Variants in ZNF124 observed in about 807,000 individuals in gnomAD.
ZNF124 encodes the protein zinc finger protein 124.
In ZNF124, 25 loss-of-function variants were observed where a neutral mutation model predicts 26.6. That is an observed-to-expected ratio of 0.94 (90% CI 0.68 to 1.31). ZNF124 has a LOEUF of 1.31. ZNF124 is among the 40% of genes most tolerant of loss of function. The pLI is 0.00. For synonymous variants in ZNF124, 129 were observed against 133.3 expected (o/e 0.97, Z 0.22); for missense variants, 444 against 422.2 (o/e 1.05, Z -0.45).
At chr1:247,144,490 G>GA (rs1186750451) in intron 3 of ZNF124, among the ~76,000 whole-genome samples, 1 of 151,668 alleles carries the variant, frequency 6.6e-6, no homozygotes, top group African/African-American at 2.4e-5. Context: ...CTAAAAGCTT[G>GA]CTACCGAGCC....
At chr1:247,172,358 C>T (rs930832135), upstream of ZNF124, among the ~76,000 whole-genome samples, 1 of 151,882 alleles carries the variant, frequency 6.6e-6, no homozygotes, top group Admixed American at 6.6e-5. Context: ...ACTTATTAAC[C>T]TTCATGGCCT....
rs138304746 is a variant in ZNF124, at chr1:247,129,996, C to T, written c.219-6125G>A. ...GGTGGACATTGAGTACTTCCCCGAG[C>T]AGGATGGGGTGGGAGGATTCAGGAG... On this transcript the variant is annotated intron_variant, in intron 3 of 3. Coordinates refer to the ZNF124 transcript ENST00000472531. Among the ~76,000 whole-genome samples the T allele has an allele frequency of 5.9e-3, 863 of 145,248 alleles. 16 individuals are homozygous for T. Among genetic ancestry groups the T allele is most frequent in the African/African-American group, 0.023 (810 of 35,278 alleles).
chr1:247,133,730 T>C (rs1672421654), intron 3 of ZNF124, among the ~76,000 whole-genome samples: 1 of 149,054 alleles, frequency 6.7e-6, no homozygotes, highest in African/African-American at 2.5e-5. Flanking sequence ...CTCAGCTCAC[T>C]GCAACCTCCA....
intron 1 of ZNF124, 166 bp from the exon 2 acceptor site, chr1:247,159,979 CTTTTTTTT>C (rs1212199135): frequency 1.2e-3 from 184 of 147,680 alleles, no homozygotes; most frequent in South Asian, 2.4e-3. Flanking sequence ...CATAGCAGTT[CTTTTTTTT>C]TTTTTTTTTT....
intron 3 of ZNF124, 81 bp downstream of exon 3, chr1:247,158,925 G>C: frequency 7.6e-7 from 1 of 1,320,460 alleles, no homozygotes; most frequent in South Asian, 1.3e-5. Context: ...CACCATGCCT[G>C]GCCTTGTTTG....
chr1:247,162,615 T>C (rs1673543713), intron 1 of ZNF124, among the ~76,000 whole-genome samples: 1 of 107,932 alleles, frequency 9.3e-6, no homozygotes, highest in Non-Finnish European at 1.8e-5. Context: ...TATTAACCCT[T>C]GGCAAAAAAA....
chr1:247,154,040 A>G (rs780661197), downstream of ZNF124, among the ~76,000 whole-genome samples: 17 of 152,190 alleles, frequency 1.1e-4, no homozygotes, highest in Admixed American at 6.5e-4. Context: ...TTCCTACACA[A>G]CAATCACTTG....
chr1:247,164,316 A>G (rs139579725), intron 1 of ZNF124, among the ~76,000 whole-genome samples: 300 of 152,262 alleles, frequency 2.0e-3, no homozygotes, highest in African/African-American at 6.9e-3. Flanking sequence ...CAGGAAATCA[A>G]ACTTCTCTGT....
upstream of ZNF124, among the ~76,000 whole-genome samples, chr1:247,172,367 C>T (rs908140848): frequency 6.6e-6 from 1 of 151,942 alleles, no homozygotes; most frequent in African/African-American, 2.4e-5. Flanking sequence ...CCTTCATGGC[C>T]TCTGGTCTTC....
intron 3 of ZNF124, among the ~76,000 whole-genome samples, chr1:247,124,051 A>C (rs1040565655): frequency 1.3e-5 from 2 of 151,122 alleles, no homozygotes; most frequent in Non-Finnish European, 2.9e-5. Context: ...GATGGTCTTG[A>C]TCTCCTGACC....
At chr1:247,146,640 A>G (rs1248481365) in intron 3 of ZNF124, among the ~76,000 whole-genome samples, 1 of 152,194 alleles carries the variant, frequency 6.6e-6, no homozygotes, top group African/African-American at 2.4e-5. Context: ...GAATTAAGCA[A>G]TGAAAATATG....
downstream of ZNF124, among the ~76,000 whole-genome samples, chr1:247,153,140 A>G (rs1033624435): frequency 3.3e-5 from 5 of 152,138 alleles, no homozygotes; most frequent in Non-Finnish European, 7.4e-5. Flanking sequence ...CTCAAAAAAA[A>G]AAAAAAGGTC....
intron 3 of ZNF124, among the ~76,000 whole-genome samples, chr1:247,145,127 G>C (rs1218160109): frequency 2.0e-5 from 3 of 152,146 alleles, no homozygotes; most frequent in Non-Finnish European, 4.4e-5. Context: ...TTGGGAAACA[G>C]ATCTCTACAG....
downstream of ZNF124, among the ~76,000 whole-genome samples, chr1:247,153,205 T>C (rs1170994338): frequency 1.3e-5 from 2 of 152,130 alleles, no homozygotes; most frequent in Non-Finnish European, 2.9e-5. Flanking sequence ...GAAATGTTAC[T>C]TGATTTTTTT....
Position 247,168,660 on chromosome 1 carries a change from G to A in ZNF124, c.30+3188C>T, listed in dbSNP as rs1673916472. Reference sequence around the variant, plus strand: ...AATGAGGGGATAAAGAAAATGTGGTGGAATACTACTCAGCCATAAAAAGGA... The same window carrying A: ...AATGAGGGGATAAAGAAAATGTGGTAGAATACTACTCAGCCATAAAAAGGA... On this transcript the variant is annotated intron_variant, in intron 1 of 3. Transcript: ENST00000543802. The surrounding 1 kb of genome is among the most constrained non-coding windows in gnomAD (Gnocchi z 4.0). Among the ~76,000 whole-genome samples, 1 of 152,174 alleles carries A rather than the reference G, an allele frequency of 6.6e-6. No homozygotes were observed.
chr1:247,153,625 C>G (rs1487454612), downstream of ZNF124, among the ~76,000 whole-genome samples: 1 of 152,146 alleles, frequency 6.6e-6, no homozygotes, highest in Non-Finnish European at 1.5e-5. Context: ...ACTATCTCTA[C>G]CTGGAAACAG....
intron 3 of ZNF124, among the ~76,000 whole-genome samples, chr1:247,144,756 A>C (rs1036984974): frequency 2.6e-5 from 4 of 151,532 alleles, no homozygotes; most frequent in African/African-American, 7.3e-5. Flanking sequence ...TTTAGCGGAA[A>C]GGAAGATTAT....
At chr1:247,137,807 A>T (rs1672523214) in intron 3 of ZNF124, among the ~76,000 whole-genome samples, 1 of 152,242 alleles carries the variant, frequency 6.6e-6, no homozygotes, top group South Asian at 2.1e-4. Context: ...GGATATGAAT[A>T]GACACTTCTC....
At chr1:247,128,667 GCTGGTCAGGCAGTCGGATA>G (rs1175471034) in intron 3 of ZNF124, among the ~76,000 whole-genome samples, 1 of 150,650 alleles carries the variant, frequency 6.6e-6, no homozygotes, top group Non-Finnish European at 1.5e-5. Flanking sequence ...GAGACAAAAT[GCTGGTCAGGCAGTCGGATA>G]CTGGTATTGA....
Sources: allele counts gnomAD v4.1 joint callset (sites outside exome capture counted in the v4.1 genomes callset), GRCh38; gene constraint gnomAD v4.1.1; non-coding constraint Gnocchi (gnomAD v3.1); transcripts MANE v1.5; gene names NCBI Gene and HGNC (gene_info 2026-07-23, HGNC 2026-07-21).